The following TBC1D5 variants were observed in gnomAD, a reference collection of about 807,000 sequenced individuals.
TBC1D5 encodes the protein TBC1 domain family, member 5.
In TBC1D5, 75 loss-of-function variants were observed where a neutral mutation model predicts 100.3. The ratio of observed to expected loss-of-function variants is 0.75; its 90% CI spans 0.62 to 0.91. The LOEUF is 0.91. Among genes scored for constraint, TBC1D5 ranks in the 40% least tolerant of loss-of-function variants. The pLI is 0.00. For missense variants in TBC1D5, 910 were observed against 942.4 expected (o/e 0.97, Z 0.45); for synonymous variants, 323 against 325.6 (o/e 0.99, Z 0.09).
intron 2 of TBC1D5, among the ~76,000 whole-genome samples, chr3:17,618,748 G>T (rs2062401541): frequency 6.6e-6 from 1 of 152,192 alleles, no homozygotes; most frequent in African/African-American, 2.4e-5. Flanking sequence ...GGTTACTAAG[G>T]CCATGGGAAA....
At chr3:17,410,575 G>A (rs143500093) in intron 4 of TBC1D5, among the ~76,000 whole-genome samples, 7 of 152,186 alleles carry the variant, frequency 4.6e-5, no homozygotes, top group Admixed American at 2.6e-4. Context: ...TCTAGATGTC[G>A]TTAAGAACAT....
At chr3:17,292,700 T>C (rs950721060) in intron 14 of TBC1D5, among the ~76,000 whole-genome samples, 10 of 152,184 alleles carry the variant, frequency 6.6e-5, no homozygotes, top group South Asian at 2.1e-4. Context: ...GTAGACTACT[T>C]TACTTCTTGA....
chr3:17,458,246 C>G (rs1484331675), intron 3 of TBC1D5, among the ~76,000 whole-genome samples: 1 of 152,096 alleles, frequency 6.6e-6, no homozygotes, highest in Non-Finnish European at 1.5e-5. Context: ...TCCTCAGGGG[C>G]TGAGGGTTTT....
intron 2 of TBC1D5, among the ~76,000 whole-genome samples, chr3:17,552,314 T>G (rs1216103871): frequency 6.6e-6 from 1 of 152,076 alleles, no homozygotes; most frequent in African/African-American, 2.4e-5. Context: ...AAAATCATAA[T>G]TCAAGTAGAG....
chr3:17,582,266 G>A (rs942085556), intron 2 of TBC1D5, among the ~76,000 whole-genome samples: 1 of 152,180 alleles, frequency 6.6e-6, no homozygotes, highest in Non-Finnish European at 1.5e-5. Context: ...AATTTCTCAG[G>A]AGGAATAATG....
rs528763433 is a variant in TBC1D5 at position 17,414,058 on chromosome 3, T to C, written c.168-7532A>G. The stretch of plus-strand genomic sequence containing the variant: ...GTTGCTTTTAGCTCTCTGGGAGGTA[T>C]AGTGATAGGGAAGTGCAGCAGACAG... On this transcript the variant is annotated intron_variant, in intron 4 of 21. Coordinates refer to ENST00000253692, the Ensembl canonical transcript of TBC1D5. Among the ~76,000 whole-genome samples, 19 of 152,226 alleles carry C rather than the reference T, an allele frequency of 1.2e-4. 1 individual carries two copies. In the South Asian group the frequency reaches 2.7e-3, roughly 22 times the overall value.
intron 12 of TBC1D5, among the ~76,000 whole-genome samples, chr3:17,373,514 T>A (rs1282825085): frequency 6.6e-6 from 1 of 152,156 alleles, no homozygotes; most frequent in Non-Finnish European, 1.5e-5. Flanking sequence ...ATTCCACTTC[T>A]AGGTATATAA....
chr3:17,170,868 A>G lies in TBC1D5; in HGVS notation c.1853-3040T>C, dbSNP rs114956533. On this transcript the variant is annotated intron_variant, in intron 19 of 21. Coordinates refer to ENST00000253692, the Ensembl canonical transcript of TBC1D5. ...CTAAGTGTGGGCATTTGCTCAGAAA[A>G]AAATGGTTAGTCTATAAGAGACTGA... is the stretch of plus-strand genomic sequence containing the variant. Among the ~76,000 whole-genome samples the G allele has an allele frequency of 9.4e-3, 1,426 of 152,308 alleles. 21 individuals are homozygous for G. The highest frequency in any genetic ancestry group is 0.033 in the African/African-American group (1,373 of 41,556).
chr3:17,399,239 T>C (rs142685856), intron 8 of TBC1D5, among the ~76,000 whole-genome samples: 2 of 152,146 alleles, frequency 1.3e-5, no homozygotes, highest in African/African-American at 2.4e-5. Context: ...ATTAGGCAAA[T>C]AGAGTGATTA....
intron 1 of TBC1D5, among the ~76,000 whole-genome samples, chr3:17,702,751 C>G (rs908114088): frequency 6.6e-6 from 1 of 151,982 alleles, no homozygotes; most frequent in Non-Finnish European, 1.5e-5. Context: ...GCTTATTGAG[C>G]CTTAATAAGA....
intron 13 of TBC1D5, among the ~76,000 whole-genome samples, chr3:17,357,151 G>T (rs983990826): frequency 6.6e-6 from 1 of 152,164 alleles, no homozygotes; most frequent in Non-Finnish European, 1.5e-5. Flanking sequence ...TGCGGATGCA[G>T]TAAGGGCCAA....
intron 2 of TBC1D5, among the ~76,000 whole-genome samples, chr3:17,550,448 T>C (rs894702360): frequency 1.3e-5 from 2 of 151,962 alleles, no homozygotes; most frequent in Non-Finnish European, 1.5e-5. Flanking sequence ...GTCATGTTCA[T>C]CTGAATTGAA....
chr3:17,177,894 C>T lies in TBC1D5; in HGVS notation c.1852+7215G>A, dbSNP rs182247312. On this transcript the variant is annotated intron_variant, in intron 19 of 21. Transcript: ENST00000253692. The stretch of plus-strand genomic sequence containing the variant: ...AAGCATTTATTCTTTGTGTTACCAT[C>T]ATTCTACTCTTTATCTCCATGAGTT... Among the ~76,000 whole-genome samples the T allele has an allele frequency of 6.6e-5, 10 of 152,260 alleles. No homozygotes were observed. The East Asian group carries it at 1.9e-3, about 29-fold the overall frequency.
chr3:17,331,191 G>T (rs2086822426), intron 13 of TBC1D5, among the ~76,000 whole-genome samples: 1 of 152,104 alleles, frequency 6.6e-6, no homozygotes, highest in African/African-American at 2.4e-5. Flanking sequence ...AACCGAGATG[G>T]TAAGGCTCTT....
chr3:17,527,427 C>G (rs918508712), intron 2 of TBC1D5, among the ~76,000 whole-genome samples: 3 of 152,144 alleles, frequency 2.0e-5, no homozygotes, highest in Non-Finnish European at 4.4e-5. Context: ...TCACTTCCAT[C>G]CTTTCAGGCC....
intron 2 of TBC1D5, chr3:17,576,687 T>A (rs1199442170): frequency 6.6e-6 from 1 of 152,032 alleles, no homozygotes; most frequent in Non-Finnish European, 1.5e-5. Flanking sequence ...ATTGACTGAT[T>A]TGTTTTTTAA....
chr3:17,703,907 T>TGGG (rs1370637376), intron 1 of TBC1D5, among the ~76,000 whole-genome samples: 3 of 107,244 alleles, frequency 2.8e-5, no homozygotes, highest in South Asian at 3.6e-4. Flanking sequence ...ATTTGTGTTT[T>TGGG]TTTTTTGTTT....
At chr3:17,383,771 A>G in intron 9 of TBC1D5, 142 bp downstream of exon 9, 2 of 533,010 alleles carry the variant, frequency 3.8e-6, no homozygotes, top group Non-Finnish European at 6.5e-6. Flanking sequence ...CTCACCATGC[A>G]GCTGACAAGC....
At chr3:17,428,606 T>G (rs1462953991) in intron 3 of TBC1D5, 87 bp from the exon 4 acceptor site, 1 of 574,994 alleles carries the variant, frequency 1.7e-6, no homozygotes, top group Non-Finnish European at 2.7e-6. Context: ...ACGCAATATA[T>G]TAGCCAAAAA....
Sources: allele counts gnomAD v4.1 joint callset (sites outside exome capture counted in the v4.1 genomes callset), GRCh38; gene constraint gnomAD v4.1.1; transcripts MANE v1.5; gene names NCBI Gene and HGNC (gene_info 2026-07-23, HGNC 2026-07-21).